The following KTN1 variants were observed in gnomAD, a reference collection of about 807,000 sequenced individuals.
KTN1 encodes the protein kinectin.
KTN1 carries 130 observed loss-of-function variants against 222.5 expected under a neutral mutation model. That is an observed-to-expected ratio of 0.58 (90% CI 0.51 to 0.68). The LOEUF is 0.68. Ranked by LOEUF, KTN1 falls within the 30% of genes least tolerant of loss-of-function variation. The pLI is 0.00. For synonymous variants in KTN1, 512 were observed against 496.3 expected (o/e 1.03, Z -0.42); for missense variants, 1,508 against 1,500.4 (o/e 1.01, Z -0.08).
intron 1 of KTN1, among the ~76,000 whole-genome samples, chr14:55,608,475 T>G (rs1317573530): frequency 6.6e-6 from 1 of 152,142 alleles, no homozygotes; most frequent in Non-Finnish European, 1.5e-5. Context: ...TTACATATGA[T>G]TTTGACTTTT....
At chr14:55,642,606 C>T (rs928005557) in intron 18 of KTN1, among the ~76,000 whole-genome samples, 7 of 152,050 alleles carry the variant, frequency 4.6e-5, no homozygotes, top group African/African-American at 7.2e-5. Flanking sequence ...TATTGGAAGC[C>T]GAAATGTAAA....
At chr14:55,679,397 A>G (rs2046171804) in intron 42 of KTN1, 168 bp from the exon 43 acceptor site, 3 of 562,612 alleles carry the variant, frequency 5.3e-6, no homozygotes. Context: ...ACCACTAGTT[A>G]GCAAACAGTA....
intron 21 of KTN1, 69 bp downstream of exon 21, chr14:55,648,939 T>G (rs74053646): frequency 1.0e-5 from 11 of 1,102,840 alleles, no homozygotes; most frequent in Admixed American, 4.1e-5. Flanking sequence ...GTTTTTAAAT[T>G]AAAAGAAACG....
intron 3 of KTN1, among the ~76,000 whole-genome samples, chr14:55,617,061 A>G (rs2038495636): frequency 6.6e-6 from 1 of 152,190 alleles, no homozygotes; most frequent in African/African-American, 2.4e-5. Flanking sequence ...AACAGAACTC[A>G]CATGTGTATA....
intron 15 of KTN1, among the ~76,000 whole-genome samples, 154 bp downstream of exon 15, chr14:55,640,596 T>C (rs1162339403): frequency 3.3e-5 from 5 of 151,968 alleles, no homozygotes; most frequent in African/African-American, 1.2e-4. Flanking sequence ...TGTTTTTATG[T>C]TGAAATAAAT....
intron 40 of KTN1, chr14:55,675,583 G>A (rs2045824636): frequency 2.9e-6 from 1 of 344,692 alleles, no homozygotes; most frequent in Non-Finnish European, 5.3e-6. Context: ...ACTGGAATTT[G>A]ATGGTTTTGT....
At position 55,671,880 on chromosome 14, in the gene KTN1, AT is replaced by A; in HGVS notation, c.3531+6del. The A allele has an allele frequency of 1.3e-6, 2 of 1,539,222 alleles. No individual in the cohort carries two copies. The highest frequency in any genetic ancestry group is 2.2e-5 in the East Asian group (1 of 44,490). The stretch of plus-strand genomic sequence containing the variant: ...AATCACACAAGACTATTAAACAGGT[AT>A]TTACAAAAGAAAAGCTTAGAGCAGT... On this transcript the variant is annotated splice_donor_region_variant and intron_variant, in intron 37 of 43. Coordinates refer to ENST00000395314, the MANE Select transcript of KTN1 (RefSeq NM_001079521.2).
At chr14:55,622,311 G>GT (rs2039260123) in intron 5 of KTN1, among the ~76,000 whole-genome samples, 1 of 152,152 alleles carries the variant, frequency 6.6e-6, no homozygotes, top group Admixed American at 6.5e-5. Flanking sequence ...GACTATTGTT[G>GT]TGGGGGGGAT....
intron 1 of KTN1, among the ~76,000 whole-genome samples, chr14:55,594,189 A>G (rs184529034): frequency 2.0e-5 from 3 of 151,554 alleles, no homozygotes; most frequent in Non-Finnish European, 2.9e-5. Context: ...CTTCATTTCT[A>G]CCTATCTTAG....
At chr14:55,663,709 A>G (rs1208205331) in intron 32 of KTN1, 3 of 381,662 alleles carry the variant, frequency 7.9e-6, no homozygotes, top group African/African-American at 4.2e-5. Flanking sequence ...TCACATGTGC[A>G]TAGTAATTAT....
rs1267083668 is a variant in KTN1 at position 55,618,043 on chromosome 14, T to C, written c.741T>C (p.Asp247=). 3.7e-6 allele frequency: 6 copies of C among 1,612,634 alleles called. No homozygotes were observed. The East Asian group carries it at 6.7e-5, about 18-fold the overall frequency. The change falls in exon 4 of 44, where the codon GAT becomes GAC. Residue 247 remains aspartate, a synonymous_variant. Coordinates refer to ENST00000395314, the MANE Select transcript of KTN1 (RefSeq NM_001079521.2). ...MDNADSSPVV[D]KREVIDLLKP... is the part of the protein sequence containing the mutation. Reference sequence around the variant, plus strand: ...ATGCTGACTCAAGTCCTGTGGTAGATAAGAGAGAGGTTATTGATTTGCTTA... The same window carrying C: ...ATGCTGACTCAAGTCCTGTGGTAGACAAGAGAGAGGTTATTGATTTGCTTA...
chr14:55,650,089 A>C (rs2042792321), intron 22 of KTN1, among the ~76,000 whole-genome samples: 1 of 151,976 alleles, frequency 6.6e-6, no homozygotes, highest in Non-Finnish European at 1.5e-5. Flanking sequence ...CAGGGTACAA[A>C]TCTTATATTT....
intron 3 of KTN1, among the ~76,000 whole-genome samples, chr14:55,617,102 A>G (rs1328387722): frequency 6.6e-6 from 1 of 152,234 alleles, no homozygotes; most frequent in East Asian, 1.9e-4. Flanking sequence ...GAGATGGAGC[A>G]ATCTTATTTG....
intron 2 of KTN1, among the ~76,000 whole-genome samples, chr14:55,614,929 G>C (rs930770433): frequency 2.4e-4 from 36 of 152,160 alleles, no homozygotes; most frequent in African/African-American, 8.7e-4. Flanking sequence ...GGCCATCTAC[G>C]TAGAGCAACT....
chr14:55,663,921 A>T, intron 32 of KTN1, 34 bp from the exon 33 acceptor site: 1 of 1,519,776 alleles, frequency 6.6e-7, no homozygotes, highest in Non-Finnish European at 9.1e-7. Flanking sequence ...TCAATAATGG[A>T]TAAACTGAAA....
At chr14:55,638,264 A>G (rs188456358) in intron 12 of KTN1, among the ~76,000 whole-genome samples, 32 of 152,018 alleles carry the variant, frequency 2.1e-4, no homozygotes, top group Admixed American at 2.6e-4. Flanking sequence ...TTGCAAAATG[A>G]TCAATTGAAA....
intron 4 of KTN1, 136 bp downstream of exon 4, chr14:55,618,270 G>T: frequency 4.7e-6 from 3 of 634,200 alleles, no homozygotes; most frequent in Non-Finnish European, 4.9e-6. Flanking sequence ...AGACTTATTG[G>T]TAGTCTTTTA....
In KTN1 at chr14:55,660,003, T is replaced by C. The variant is rs957157130; in HGVS notation, c.2999+300T>C. Among the ~76,000 whole-genome samples the C allele has an allele frequency of 2.6e-5, 4 of 152,252 alleles. No individual in the cohort carries two copies. The East Asian group carries it at 7.7e-4, about 29-fold the overall frequency. On this transcript the variant is annotated intron_variant, in intron 31 of 43. Coordinates refer to ENST00000395314, the MANE Select transcript of KTN1 (RefSeq NM_001079521.2). Reference sequence around the variant, plus strand: ...GGGTTTTCTAAATCACCTTCTATTATGTCAGTTATCTTACTGGGTCTTCTT... The same window carrying C: ...GGGTTTTCTAAATCACCTTCTATTACGTCAGTTATCTTACTGGGTCTTCTT...
chr14:55,639,913 G>T lies in KTN1; in HGVS notation c.1824G>T (p.Val608=), dbSNP rs757316658. 1 of 1,571,650 alleles carries T rather than the reference G, an allele frequency of 6.4e-7. No individual in the cohort carries two copies. The highest frequency in any genetic ancestry group is 1.7e-5 in the Admixed American group (1 of 59,266). Residue 608 remains valine (V), a splice_region_variant and synonymous_variant, in exon 14 of 44, where the codon GTG becomes GTT. Transcript: ENST00000395314. The part of the protein sequence containing the change: ...ASVLAEELHK[V]IAEKDKQIKQ... ...TGTACAAATGTCTTTCCTTCTAAAGGATTGCAGAAAAGGATAAGCAGATAA... is the reference window on the plus strand; with the variant it reads ...TGTACAAATGTCTTTCCTTCTAAAGTATTGCAGAAAAGGATAAGCAGATAA...
Sources: gnomAD v4.1 joint callset for allele counts (sites outside exome capture counted in the v4.1 genomes callset) on GRCh38, gnomAD v4.1.1 for gene constraint, MANE v1.5 for transcripts, NCBI Gene and HGNC (gene_info 2026-07-23, HGNC 2026-07-21) for gene names.